KNDC1: variants seen among roughly 807,000 people sequenced by gnomAD.
KNDC1 encodes kinase non-catalytic C-lobe domain containing 1, also known as kinase non-catalytic C-lobe domain-containing protein 1.
A neutral mutation model predicts 172.8 loss-of-function variants in KNDC1; 106 were observed. The ratio of observed to expected loss-of-function variants is 0.61; its 90% CI spans 0.52 to 0.72. The LOEUF (loss-of-function observed/expected upper bound fraction) is 0.72, where lower values mean the gene tolerates loss of function less well. KNDC1 is among the 30% of genes least tolerant of loss of function. The pLI is 0.00. For synonymous variants in KNDC1, 1,083 were observed against 1,062.2 expected (o/e 1.02, Z -0.38); for missense variants, 2,325 against 2,394.5 (o/e 0.97, Z 0.61).
Position 133,197,043 on chromosome 10 carries a change from G to A in KNDC1, c.1735-15G>A. The A allele has an allele frequency of 2.2e-5, 36 of 1,609,834 alleles. No homozygotes were observed. Among genetic ancestry groups the A allele is most frequent in the Non-Finnish European group, 3.0e-5 (35 of 1,176,816 alleles). ...TGAGGCCTGTCGGGACGTGTGAACT[G>A]TCTCCTCCCTCCAGGTGTGCGGCAG... On this transcript the variant is annotated splice_polypyrimidine_tract_variant and intron_variant, in intron 10 of 29. Coordinates refer to ENST00000304613, the MANE Select transcript of KNDC1 (RefSeq NM_152643.8).
At chr10:133,203,875 G>A (rs1018961064) in intron 17 of KNDC1, among the ~76,000 whole-genome samples, 2 of 152,324 alleles carry the variant, frequency 1.3e-5, no homozygotes, top group South Asian at 2.1e-4. Context: ...GACGGACATC[G>A]AGTCTGACTG....
intron 3 of KNDC1, among the ~76,000 whole-genome samples, chr10:133,176,616 T>C (rs545845073): frequency 9.9e-5 from 15 of 152,278 alleles, no homozygotes; most frequent in African/African-American, 3.6e-4. Flanking sequence ...ACCTGGAGTG[T>C]CCTCTCTTGT....
At chr10:133,193,293 G>C (rs1854108349) in intron 9 of KNDC1, among the ~76,000 whole-genome samples, 1 of 152,230 alleles carries the variant, frequency 6.6e-6, no homozygotes, top group African/African-American at 2.4e-5. Context: ...GGGAGGCTGA[G>C]GCAGGTGGAT....
rs1041008544 is a variant in KNDC1 at position 133,198,521 on chromosome 10, C to T, written c.2069+22C>T. ...CCAGGTGAGCATCGTCCCCACACCCCGGAGCTGCTGGGTCCCGGGCGCAGG... is the reference window on the plus strand; with the variant it reads ...CCAGGTGAGCATCGTCCCCACACCCTGGAGCTGCTGGGTCCCGGGCGCAGG... On this transcript the variant is annotated intron_variant, in intron 13 of 29. Transcript: ENST00000304613. The T allele has an allele frequency of 2.0e-5, 32 of 1,589,304 alleles. No homozygotes were observed. The African/African-American group carries it at 2.5e-4, about 13-fold the overall frequency.
intron 7 of KNDC1, 79 bp from the exon 8 acceptor site, chr10:133,189,519 G>C (rs1854019895): frequency 5.1e-6 from 7 of 1,380,050 alleles, no homozygotes; most frequent in African/African-American, 1.4e-5. Flanking sequence ...CCTGACTGAG[G>C]CTCCGCAGCT....
intron 3 of KNDC1, 95 bp from the exon 4 acceptor site, chr10:133,183,249 C>G (rs2135972091): frequency 7.2e-7 from 1 of 1,397,162 alleles, no homozygotes; most frequent in South Asian, 1.4e-5. Context: ...CTCACGATTC[C>G]TGAAACTTGA....
At chr10:133,181,267 AC>A (rs1442649482) in intron 3 of KNDC1, among the ~76,000 whole-genome samples, 8 of 152,190 alleles carry the variant, frequency 5.3e-5, no homozygotes, top group African/African-American at 1.4e-4. Context: ...GAGGGGACGG[AC>A]CCTGTGTGCC....
Position 133,163,486 on chromosome 10 carries a change from G to T in KNDC1, c.102+2917G>T, listed in dbSNP as rs531728738. ...ATGAGCTCAGAGCAGAAGGCACCTC[G>T]GGAGCAGAGGTGGTTTTGTGGTGGG... On this transcript the variant is annotated intron_variant, in intron 1 of 29. Coordinates refer to ENST00000304613, the MANE Select transcript of KNDC1 (RefSeq NM_152643.8). This position sits in a 1 kb window ranked among gnomAD's most constrained non-coding sequence, Gnocchi z 4.4. 6.6e-6 allele frequency among the ~76,000 whole-genome samples: 1 copy of T among 152,156 alleles called. No individual in the cohort carries two copies. The highest frequency in any genetic ancestry group is 2.4e-5 in the African/African-American group (1 of 41,416).
intron 3 of KNDC1, among the ~76,000 whole-genome samples, chr10:133,182,185 A>T (rs546208786): frequency 5.3e-5 from 8 of 152,058 alleles, no homozygotes; most frequent in Non-Finnish European, 1.2e-4. Flanking sequence ...TGAAGACTGG[A>T]TGCTCCGCTG....
At position 133,207,340 on chromosome 10, in the gene KNDC1, C is replaced by A. The variant is rs1414486239; in HGVS notation, c.3783C>A (p.Tyr1261Ter). The change falls in exon 20 of 30, where the codon TAC (tyrosine) becomes TAA (stop). Residue 1261 changes from tyrosine to a stop codon, truncating the protein, a stop_gained. Coordinates refer to ENST00000304613, the MANE Select transcript of KNDC1 (RefSeq NM_152643.8). LOFTEE classifies it high-confidence loss of function. ...GCACGCCGCTGGGGCTCATGGCCTA[C>A]CTGTACTCCAGGTGCGTTGGGAGAA... ...QAGTPLGLMA[Y>*]LYSSDAFLEG... The A allele has an allele frequency of 2.5e-6, 4 of 1,612,426 alleles. No individual in the cohort carries two copies. Among genetic ancestry groups the A allele is most frequent in the Non-Finnish European group, 3.4e-6 (4 of 1,179,754 alleles).
At chr10:133,165,853 C>T (rs939662954) in intron 1 of KNDC1, among the ~76,000 whole-genome samples, 5 of 152,076 alleles carry the variant, frequency 3.3e-5, no homozygotes, top group Admixed American at 6.5e-5. Flanking sequence ...TGATCGATCA[C>T]GGGCCACAGG....
In KNDC1 at chr10:133,209,024, G is replaced by T. The variant is rs1845288457; in HGVS notation, c.3795-1587G>T. 6.6e-6 allele frequency among the ~76,000 whole-genome samples: 1 copy of T among 150,726 alleles called. No individual in the cohort carries two copies. The highest frequency in any genetic ancestry group is 6.6e-5 in the Admixed American group (1 of 15,130). ...TGGTTGTGGGATATCGTGTGGTGTAGTAGGTACGTGTGCGGTTGTGAGGTA... is the reference window on the plus strand; with the variant it reads ...TGGTTGTGGGATATCGTGTGGTGTATTAGGTACGTGTGCGGTTGTGAGGTA... On this transcript the variant is annotated intron_variant, in intron 20 of 29. Coordinates refer to ENST00000304613, the MANE Select transcript of KNDC1 (RefSeq NM_152643.8). The surrounding 1 kb of genome is among the most constrained non-coding windows in gnomAD (Gnocchi z 4.9).
Position 133,224,780 on chromosome 10 carries a change from A to G in KNDC1, c.5140A>G (p.Ile1714Val). 4 of 1,614,068 alleles carry G rather than the reference A, an allele frequency of 2.5e-6. No homozygotes were observed. The highest frequency in any genetic ancestry group is 3.4e-6 in the Non-Finnish European group (4 of 1,180,032). The part of the protein sequence containing the change: ...QRIARFSGAD[I>V]STLAADSRAN... ...GATTGCCCGCTTCAGCGGTGCCGAC[A>G]TTTCCACACTCGCCGCAGATAGCAG... The change falls in exon 30 of 30, where the codon ATT becomes GTT. Residue 1714 changes from isoleucine to valine, a missense_variant. Ile to Val is a conservative substitution (Grantham distance 29). Coordinates refer to ENST00000304613, the MANE Select transcript of KNDC1 (RefSeq NM_152643.8). This position sits in a 1 kb window ranked among gnomAD's most constrained non-coding sequence, Gnocchi z 5.4.
At chr10:133,196,178 G>C (rs1456704888) in intron 10 of KNDC1, among the ~76,000 whole-genome samples, 1 of 152,170 alleles carries the variant, frequency 6.6e-6, no homozygotes, top group Admixed American at 6.5e-5. Flanking sequence ...CCTGCTGGAG[G>C]GGAGCAGAGA....
rs951458664 is a variant in KNDC1 at position 133,209,442 on chromosome 10, ATG to A, written c.3795-1164_3795-1163del. ...GCGGGTATAGTGTGTGTGTGCACGT[ATG>A]TGTGGTGTGGGGTATAGTGTGGCTT... On this transcript the variant is annotated intron_variant, in intron 20 of 29. Transcript: ENST00000304613. This position sits in a 1 kb window ranked among gnomAD's most constrained non-coding sequence, Gnocchi z 4.9. 7.0e-6 allele frequency among the ~76,000 whole-genome samples: 1 copy of A among 143,808 alleles called. No homozygotes were observed. Among genetic ancestry groups the A allele is most frequent in the South Asian group, 2.2e-4 (1 of 4,502 alleles). The allele number at this position is 143,808 out of a possible 152,430, so 94.3% of individuals were successfully genotyped here. A position where few individuals can be genotyped will look rare whatever the true frequency, so the allele number is the denominator to read the frequency against.
intron 1 of KNDC1, among the ~76,000 whole-genome samples, chr10:133,166,458 C>T (rs1249042174): frequency 1.8e-5 from 2 of 112,364 alleles, no homozygotes; most frequent in African/African-American, 6.2e-5. Context: ...TGCGGGTGTG[C>T]ATGTCTGTGC....
At chr10:133,170,563 A>G (rs1009088171) in intron 3 of KNDC1, among the ~76,000 whole-genome samples, 2 of 152,376 alleles carry the variant, frequency 1.3e-5, no homozygotes, top group African/African-American at 4.8e-5. Flanking sequence ...GCGTTTGCTT[A>G]TGTGCGTTCT....
At chr10:133,204,172 G>A (rs972003268) in intron 17 of KNDC1, among the ~76,000 whole-genome samples, 6 of 152,190 alleles carry the variant, frequency 3.9e-5, no homozygotes, top group African/African-American at 1.4e-4. Flanking sequence ...AGGACCAGGT[G>A]CCCCGGCAGC....
At chr10:133,204,969 C>T (rs73388575) in intron 17 of KNDC1, among the ~76,000 whole-genome samples, 6,814 of 152,018 alleles carry the variant, frequency 0.045, 489 homozygotes, top group African/African-American at 0.15. Flanking sequence ...GCCCAGCTCC[C>T]ATGGACCCCC....
Sources: gnomAD v4.1 joint callset for allele counts (sites outside exome capture counted in the v4.1 genomes callset) on GRCh38, gnomAD v4.1.1 for gene constraint, Gnocchi (gnomAD v3.1) non-coding constraint, MANE v1.5 for transcripts, NCBI Gene and HGNC (gene_info 2026-07-23, HGNC 2026-07-21) for gene names.